GRXCR1: variants seen among roughly 807,000 people sequenced by gnomAD.
GRXCR1 encodes the protein glutaredoxin and cysteine rich domain containing 1.
A neutral mutation model predicts 27.3 loss-of-function variants in GRXCR1; 27 were observed. The ratio of observed to expected loss-of-function variants is 0.99; its 90% confidence interval spans 0.73 to 1.37. The LOEUF (loss-of-function observed/expected upper bound fraction) is 1.37. Among genes scored for constraint, GRXCR1 ranks in the 40% most tolerant of loss-of-function variants. The pLI, the probability that GRXCR1 is intolerant of heterozygous loss-of-function variation, is 0.00. For missense variants in GRXCR1, 379 were observed against 354.4 expected, an observed-to-expected ratio of 1.07 and a Z score of -0.56; for synonymous variants, 122 against 131.1, an observed-to-expected ratio of 0.93 and a Z score of 0.47.
In GRXCR1 at chr4:42,893,581, A is replaced by T. The variant is rs750091878; in HGVS notation, c.315A>T (p.Thr105=). ...TCAACATTTTAAGCAAAAATGGCACAGTCAGAGGCGTCAAATACAAAGTGA... is the reference window on the plus strand; with the variant it reads ...TCAACATTTTAAGCAAAAATGGCACTGTCAGAGGCGTCAAATACAAAGTGA... ...RRVNILSKNG[T]VRGVKYKVSA... is the part of the protein sequence containing the mutation. The change falls in exon 1 of 4, where the codon ACA becomes ACT. Residue 105 remains threonine, a synonymous_variant. Transcript: ENST00000399770. 6.2e-7 allele frequency: 1 copy of T among 1,613,672 alleles called. No individual in the cohort carries two copies. The highest frequency in any genetic ancestry group is 1.7e-5 in the Admixed American group (1 of 59,968).
At chr4:42,960,114 A>G (rs1453273329) in intron 1 of GRXCR1, among the ~76,000 whole-genome samples, 1 of 151,984 alleles carries the variant, frequency 6.6e-6, no homozygotes, top group African/African-American at 2.4e-5. Context: ...TTTGTTCTAT[A>G]AGATTCAGAG....
intron 1 of GRXCR1, among the ~76,000 whole-genome samples, chr4:42,893,950 A>G (rs992334215): frequency 2.0e-5 from 3 of 152,164 alleles, no homozygotes; most frequent in Non-Finnish European, 4.4e-5. Context: ...AGATAAAACT[A>G]TGCTGTTCAA....
intron 3 of GRXCR1, among the ~76,000 whole-genome samples, chr4:43,022,378 C>T (rs74878771): frequency 0.014 from 2,175 of 152,256 alleles, 51 homozygotes; most frequent in African/African-American, 0.049. Context: ...AATTCTACAA[C>T]TTGATCAACA....
chr4:42,918,365 C>T (rs1162992237), intron 1 of GRXCR1, among the ~76,000 whole-genome samples: 1 of 152,134 alleles, frequency 6.6e-6, no homozygotes, highest in Non-Finnish European at 1.5e-5. Context: ...AAGTTTCCAA[C>T]ACATGAGTTT....
intron 1 of GRXCR1, among the ~76,000 whole-genome samples, chr4:42,921,165 T>C (rs1031649937): frequency 6.6e-6 from 1 of 152,026 alleles, no homozygotes; most frequent in African/African-American, 2.4e-5. Flanking sequence ...TCTCTTATAA[T>C]ATAGGCCCAA....
chr4:42,916,566 G>A (rs1394766430), intron 1 of GRXCR1, among the ~76,000 whole-genome samples: 1 of 151,938 alleles, frequency 6.6e-6, no homozygotes, highest in African/African-American at 2.4e-5. Context: ...TAGATTCAGG[G>A]TACATAAACA....
intron 3 of GRXCR1, among the ~76,000 whole-genome samples, chr4:43,021,200 G>C (rs561626500): frequency 4.6e-5 from 7 of 152,150 alleles, no homozygotes; most frequent in African/African-American, 1.7e-4. Flanking sequence ...TAAAAGAAAG[G>C]ACTATGTGGC....
intron 2 of GRXCR1, among the ~76,000 whole-genome samples, chr4:42,993,333 C>T (rs1350644372): frequency 3.3e-5 from 5 of 151,880 alleles, no homozygotes; most frequent in Admixed American, 1.3e-4. Flanking sequence ...CTCTCTGCCC[C>T]GAGCTGAAAA....
intron 1 of GRXCR1, among the ~76,000 whole-genome samples, chr4:42,924,584 C>A (rs1747102589): frequency 6.6e-6 from 1 of 152,046 alleles, no homozygotes; most frequent in African/African-American, 2.4e-5. Flanking sequence ...TTCTTTACTT[C>A]TTTCCTTTAC....
intron 2 of GRXCR1, among the ~76,000 whole-genome samples, chr4:43,003,884 A>G (rs749850242): frequency 9.2e-5 from 14 of 152,238 alleles, no homozygotes; most frequent in Non-Finnish European, 7.3e-5. Context: ...AGAAGAAAAC[A>G]TTTTCTGGGG....
intron 2 of GRXCR1, among the ~76,000 whole-genome samples, chr4:42,991,257 CAT>C (rs1462485992): frequency 6.6e-6 from 1 of 152,012 alleles, no homozygotes; most frequent in African/African-American, 2.4e-5. Flanking sequence ...TAAACAAAAA[CAT>C]AATTGGATTT....
chr4:42,899,690 C>G (rs1746422078), intron 1 of GRXCR1, among the ~76,000 whole-genome samples: 1 of 152,074 alleles, frequency 6.6e-6, no homozygotes, highest in South Asian at 2.1e-4. Flanking sequence ...AAGTGAATAA[C>G]AGTGACTCTG....
chr4:42,916,624 A>G (rs1250519499), intron 1 of GRXCR1, among the ~76,000 whole-genome samples: 1 of 152,122 alleles, frequency 6.6e-6, no homozygotes, highest in Non-Finnish European at 1.5e-5. Context: ...TTCTGGGGGC[A>G]TAATATCTGA....
chr4:42,970,722 C>A (rs144417257), intron 2 of GRXCR1, among the ~76,000 whole-genome samples: 4 of 152,232 alleles, frequency 2.6e-5, no homozygotes, highest in Admixed American at 6.5e-5. Context: ...ACTGCTCTGA[C>A]GGTCTCTGAA....
At chr4:42,996,767 TTAAA>T in intron 2 of GRXCR1, among the ~76,000 whole-genome samples, 1 of 152,198 alleles carries the variant, frequency 6.6e-6, no homozygotes, top group South Asian at 2.1e-4. Flanking sequence ...TAAAGGAAGA[TTAAA>T]TAACATCCTG....
intron 1 of GRXCR1, among the ~76,000 whole-genome samples, chr4:42,902,251 A>G (rs1331936613): frequency 2.0e-5 from 3 of 152,174 alleles, no homozygotes; most frequent in Non-Finnish European, 4.4e-5. Flanking sequence ...TTTAGTAAAT[A>G]TTATACATCA....
chr4:42,899,532 T>C lies in GRXCR1; in HGVS notation c.384+5882T>C, dbSNP rs1243121454. 3.9e-5 allele frequency among the ~76,000 whole-genome samples: 6 copies of C among 152,168 alleles called. No homozygotes were observed. The South Asian group carries it at 6.2e-4, about 16-fold the overall frequency. On this transcript the variant is annotated intron_variant, in intron 1 of 3. Transcript: ENST00000399770. ...GCCAATGCTTATATTTTTCTCCTTT[T>C]AGTCTTTCTCTTATTAGACCATCAT...
chr4:43,025,124 A>G (rs62297786), intron 3 of GRXCR1, among the ~76,000 whole-genome samples: 127,146 of 151,542 alleles, frequency 0.84, 53,816 homozygotes, highest in East Asian at 0.99. Context: ...TGAAATTTGA[A>G]ACTCAAATTT....
At chr4:42,928,175 G>A (rs538371435) in intron 1 of GRXCR1, among the ~76,000 whole-genome samples, 2 of 152,114 alleles carry the variant, frequency 1.3e-5, no homozygotes, top group South Asian at 2.1e-4. Flanking sequence ...CTGGGAATGC[G>A]TGAATCATTG....
Sources: allele counts gnomAD v4.1 joint callset (sites outside exome capture counted in the v4.1 genomes callset), GRCh38; gene constraint gnomAD v4.1.1; transcripts MANE v1.5; gene names NCBI Gene and HGNC (gene_info 2026-07-23, HGNC 2026-07-21).